The following MYH14 variants were observed in gnomAD, a reference collection of about 807,000 sequenced individuals.
MYH14 encodes the protein myosin heavy chain 14.
In MYH14, 123 loss-of-function variants were observed where a neutral mutation model predicts 255.5. That is an observed-to-expected ratio of 0.48 (90% confidence interval 0.42 to 0.56). MYH14 has a LOEUF of 0.56. Among genes scored for constraint, MYH14 ranks in the 20% least tolerant of loss-of-function variants. MYH14 has a pLI of 0.00. For synonymous variants in MYH14, 1,095 were observed against 1,161.2 expected (o/e 0.94, Z 1.16); for missense variants, 2,423 against 2,802.3 (o/e 0.86, Z 3.06).
At chr19:50,302,606 G>T (rs1266078332) in intron 40 of MYH14, among the ~76,000 whole-genome samples, 2 of 136,144 alleles carry the variant, frequency 1.5e-5, no homozygotes, top group South Asian at 2.4e-4. Flanking sequence ...AAGAAAAAAA[G>T]AAAAGAAAAA....
Position 50,210,781 on chromosome 19 carries a change from T to A in MYH14, c.405+11T>A. 3 of 1,559,054 alleles carry A rather than the reference T, an allele frequency of 1.9e-6. No homozygotes were observed. The highest frequency in any genetic ancestry group is 2.6e-6 in the Non-Finnish European group (3 of 1,154,722). On this transcript the variant is annotated intron_variant, in intron 2 of 42. Coordinates refer to ENST00000642316, the MANE Select transcript of MYH14 (RefSeq NM_001145809.2). ...TCCGGCCTCATCTACGTGAGTGGGCTCCTGCTGGGGGGCGCGTGCGGCGGA... is the reference window on the plus strand; with the variant it reads ...TCCGGCCTCATCTACGTGAGTGGGCACCTGCTGGGGGGCGCGTGCGGCGGA...
rs2032563527 is a variant in MYH14, at chr19:50,217,736, C to T, written c.527C>T (p.Ala176Val). The change falls in exon 3 of 43, where the codon GCA (alanine) becomes GTA (valine). Residue 176 changes from alanine (A) to valine (V), a missense_variant. Around this residue, in one of 3 missense-constraint regions of MYH14, gnomAD observed 672 missense variants for 881.8 expected, o/e 0.76. Transcript: ENST00000642316. ...CACGAGGTGCCACCCCACGTGTACGCAGTGACCGAGGGGGCCTATCGGAGC... is the reference window on the plus strand; with the variant it reads ...CACGAGGTGCCACCCCACGTGTACGTAGTGACCGAGGGGGCCTATCGGAGC... ...KRHEVPPHVY[A>V]VTEGAYRSML... 1 of 1,613,932 alleles carries T rather than the reference C, an allele frequency of 6.2e-7. No individual in the cohort carries two copies. Among genetic ancestry groups the T allele is most frequent in the Non-Finnish European group, 8.5e-7 (1 of 1,179,888 alleles).
intron 18 of MYH14, 120 bp from the exon 19 acceptor site, chr19:50,259,024 C>A: frequency 7.5e-7 from 1 of 1,340,292 alleles, no homozygotes; most frequent in South Asian, 1.5e-5. Flanking sequence ...TAGAACCGTT[C>A]CTAGGCACCT....
intron 24 of MYH14, among the ~76,000 whole-genome samples, chr19:50,269,310 T>G (rs2035209505): frequency 6.6e-6 from 1 of 152,156 alleles, no homozygotes; most frequent in Non-Finnish European, 1.5e-5. Context: ...TACAGCAGTA[T>G]CTGGGATTAC....
chr19:50,208,859 A>G (rs2031988263), intron 1 of MYH14, among the ~76,000 whole-genome samples: 1 of 152,150 alleles, frequency 6.6e-6, no homozygotes, highest in Non-Finnish European at 1.5e-5. Context: ...GGATATTTAT[A>G]TTTAAATTTT....
At chr19:50,284,553 T>A (rs138719196) in intron 33 of MYH14, among the ~76,000 whole-genome samples, 3,909 of 151,634 alleles carry the variant, frequency 0.026, 162 homozygotes, top group African/African-American at 0.088. Flanking sequence ...TTTTTATTTT[T>A]TTTTTATTTT....
At chr19:50,256,299 T>C (rs2034589175) in intron 17 of MYH14, among the ~76,000 whole-genome samples, 1 of 152,006 alleles carries the variant, frequency 6.6e-6, no homozygotes, top group African/African-American at 2.4e-5. Context: ...AACAACAGAA[T>C]TCGAGACAGT....
chr19:50,207,694 C>T (rs915092139), intron 1 of MYH14, among the ~76,000 whole-genome samples: 24 of 152,262 alleles, frequency 1.6e-4, no homozygotes, highest in Middle Eastern at 3.4e-3. Flanking sequence ...CAGTGAGATT[C>T]GAGTCTATTC....
intron 3 of MYH14, among the ~76,000 whole-genome samples, chr19:50,222,664 C>A (rs1029797998): frequency 4.6e-5 from 7 of 152,022 alleles, no homozygotes; most frequent in Admixed American, 4.6e-4. Flanking sequence ...AGGTGGTCAG[C>A]ATGTGATTGT....
At chr19:50,248,271 A>G (rs1319141879) in intron 12 of MYH14, among the ~76,000 whole-genome samples, 2 of 152,044 alleles carry the variant, frequency 1.3e-5, no homozygotes, top group Non-Finnish European at 2.9e-5. Flanking sequence ...GAGTGACTTG[A>G]TTCAGTTTGT....
chr19:50,217,507 T>C (rs2032543260), intron 2 of MYH14, 108 bp from the exon 3 acceptor site: 11 of 1,203,700 alleles, frequency 9.1e-6, no homozygotes, highest in South Asian at 7.3e-5. Flanking sequence ...AGACATACCA[T>C]GTGCAGATAG....
intron 39 of MYH14, among the ~76,000 whole-genome samples, chr19:50,300,834 G>A (rs549035854): frequency 6.6e-6 from 1 of 152,186 alleles, no homozygotes; most frequent in African/African-American, 2.4e-5. Context: ...GAAGTGGGAG[G>A]ATCACTTAAG....
intron 34 of MYH14, among the ~76,000 whole-genome samples, chr19:50,287,403 T>C (rs1390851406): frequency 6.6e-6 from 1 of 152,212 alleles, no homozygotes; most frequent in Non-Finnish European, 1.5e-5. Context: ...TACTTGTTTT[T>C]GTTTGTTTTT....
rs8112504 is a variant in MYH14, at chr19:50,267,929, T to C, written c.2827-232T>C. 0.67 allele frequency among the ~76,000 whole-genome samples: 101,886 copies of C among 151,376 alleles called. 35,350 individuals carry two copies. Among genetic ancestry groups the C allele is most frequent in the Admixed American group, 0.78 (11,865 of 15,220 alleles). On this transcript the variant is annotated intron_variant, in intron 23 of 42. Transcript: ENST00000642316. ...GAGCAGGGGTGCAGACTGATGGCTGTGAGAGGTGAGGGAGGGCATCCCCAG... is the reference window on the plus strand; with the variant it reads ...GAGCAGGGGTGCAGACTGATGGCTGCGAGAGGTGAGGGAGGGCATCCCCAG...
chr19:50,298,389 AACACACACACATAC>A lies in MYH14; in HGVS notation c.5470-3260_5470-3247del, dbSNP rs575527406. Among the ~76,000 whole-genome samples the A allele has an allele frequency of 6.1e-3, 624 of 102,678 alleles. 3 individuals carry two copies. The highest frequency in any genetic ancestry group is 0.017 in the African/African-American group (601 of 36,194). The allele number at this position is 102,678 out of a possible 152,430, so 67.4% of individuals were successfully genotyped here. On this transcript the variant is annotated intron_variant, in intron 39 of 42. Coordinates refer to ENST00000642316, the MANE Select transcript of MYH14 (RefSeq NM_001145809.2). ...ATGGACAAAACCCAACACACACACA[AACACACACACATAC>A]ACACACACACACATGCACACATGAA...
chr19:50,283,879 C>T (rs1176403600), intron 33 of MYH14, among the ~76,000 whole-genome samples: 2 of 152,090 alleles, frequency 1.3e-5, no homozygotes, highest in South Asian at 2.1e-4. Context: ...TTGAGACCAG[C>T]CTGACCAACA....
In MYH14 at chr19:50,208,455, CAAAA is replaced by C. The variant is rs1362364180; in HGVS notation, c.-3-1904_-3-1901del. Among the ~76,000 whole-genome samples, 539 of 130,366 alleles carry C rather than the reference CAAAA, an allele frequency of 4.1e-3. 4 individuals are homozygous for C. The highest frequency in any genetic ancestry group is 0.013 in the African/African-American group (461 of 35,580). 85.5% of individuals were successfully genotyped at this position (130,366 alleles called of 152,430 possible). On this transcript the variant is annotated intron_variant, in intron 1 of 42. Coordinates refer to ENST00000642316, the MANE Select transcript of MYH14 (RefSeq NM_001145809.2). ...ACAAACAAACAAACAAACAAACAAA[CAAAA>C]AAACCCAACAAACCCACCAAACATA...
In MYH14 at chr19:50,280,389, C is replaced by G. The variant is rs564045389; in HGVS notation, c.4290+6C>G. ...TGCAGACTGCCCAGGCCCAGGTGAGCAGCCCTACGTAAGACCTTCAGGGAG... is the reference window on the plus strand; with the variant it reads ...TGCAGACTGCCCAGGCCCAGGTGAGGAGCCCTACGTAAGACCTTCAGGGAG... On this transcript the variant is annotated splice_donor_region_variant and intron_variant, in intron 32 of 42. Transcript: ENST00000642316. The surrounding 1 kb of genome is among the most constrained non-coding windows in gnomAD (Gnocchi z 4.8). 1 of 1,531,178 alleles carries G rather than the reference C, an allele frequency of 6.5e-7. No homozygotes were observed. The highest frequency in any genetic ancestry group is 2.5e-5 in the East Asian group (1 of 40,622). The allele number at this position is 1,531,178 out of a possible 1,614,324, so 94.8% of individuals were successfully genotyped here. A position where few individuals can be genotyped will look rare whatever the true frequency, so the allele number is the denominator to read the frequency against.
At chr19:50,263,456 G>A in intron 22 of MYH14, 36 bp downstream of exon 22, 2 of 1,478,168 alleles carry the variant, frequency 1.4e-6, no homozygotes, top group South Asian at 1.2e-5. Flanking sequence ...CCAGTAGGGA[G>A]AGGATAGGGC....
Sources: allele counts gnomAD v4.1 joint callset (sites outside exome capture counted in the v4.1 genomes callset), GRCh38; gene constraint gnomAD v4.1.1; regional missense constraint gnomAD v4.1.1; non-coding constraint Gnocchi (gnomAD v3.1); transcripts MANE v1.5; gene names NCBI Gene and HGNC (gene_info 2026-07-23, HGNC 2026-07-21).